Variants in PAPPA observed in about 807,000 individuals in gnomAD.
PAPPA encodes the protein pappalysin 1.
PAPPA carries 60 observed loss-of-function variants against 164.0 expected under a neutral mutation model. The observed-to-expected ratio is 0.37, with a 90% confidence interval of 0.30 to 0.45. The LOEUF is 0.45. Among genes scored for constraint, PAPPA ranks in the 20% least tolerant of loss-of-function variants. The probability of loss-of-function intolerance (pLI) is 1.00; values close to 1 mark genes in which losing one functional copy is unlikely to be tolerated. For missense variants in PAPPA, 1,782 were observed against 2,087.3 expected (o/e 0.85, Z 2.85); for synonymous variants, 875 against 814.1 (o/e 1.07, Z -1.27).
chr9:116,209,213 T>C (rs1844276894), intron 3 of PAPPA, among the ~76,000 whole-genome samples: 1 of 152,212 alleles, frequency 6.6e-6, no homozygotes, highest in Non-Finnish European at 1.5e-5. Flanking sequence ...TTATATCACA[T>C]GCCTAGTATG....
intron 4 of PAPPA, among the ~76,000 whole-genome samples, chr9:116,217,578 C>A (rs1191446288): frequency 1.3e-5 from 2 of 152,092 alleles, no homozygotes; most frequent in African/African-American, 4.8e-5. Flanking sequence ...AAAGAGAATG[C>A]ATATTTTATA....
chr9:116,353,586 C>T (rs754381284), intron 16 of PAPPA, 36 bp from the exon 17 acceptor site: 3 of 1,595,284 alleles, frequency 1.9e-6, no homozygotes, highest in Non-Finnish European at 2.6e-6. Flanking sequence ...GCCATTTGGT[C>T]CTTGAGATGT....
intron 12 of PAPPA, 37 bp downstream of exon 12, chr9:116,332,505 A>G: frequency 6.3e-7 from 1 of 1,575,188 alleles, no homozygotes; most frequent in African/African-American, 1.3e-5. Context: ...TGCTTTCAGT[A>G]CCTGATTCCA....
intron 9 of PAPPA, among the ~76,000 whole-genome samples, chr9:116,293,948 C>T (rs772868117): frequency 1.4e-4 from 21 of 151,534 alleles, no homozygotes; most frequent in Non-Finnish European, 2.6e-4. Context: ...AAAACTCTGT[C>T]TCAAAATAAA....
chr9:116,282,350 G>T (rs1845277882), intron 9 of PAPPA, among the ~76,000 whole-genome samples: 1 of 152,144 alleles, frequency 6.6e-6, no homozygotes, highest in African/African-American at 2.4e-5. Flanking sequence ...ATTTTATTTT[G>T]CATCTCTTGA....
At chr9:116,371,902 T>C (rs1846579957) in intron 19 of PAPPA, among the ~76,000 whole-genome samples, 1 of 152,212 alleles carries the variant, frequency 6.6e-6, no homozygotes, top group African/African-American at 2.4e-5. Flanking sequence ...TTGGTTTTGC[T>C]TATTTGTAAA....
intron 1 of PAPPA, among the ~76,000 whole-genome samples, chr9:116,155,120 C>T (rs1441809463): frequency 2.0e-5 from 3 of 152,180 alleles, no homozygotes. Context: ...TGATTGAAGC[C>T]TGCCTCTGGG....
intron 9 of PAPPA, among the ~76,000 whole-genome samples, chr9:116,277,531 A>G (rs1845214319): frequency 6.6e-6 from 1 of 152,196 alleles, no homozygotes; most frequent in Non-Finnish European, 1.5e-5. Flanking sequence ...AAAATGGGTT[A>G]GTAAGTTCCT....
chr9:116,370,030 C>G (rs569464219), intron 19 of PAPPA, among the ~76,000 whole-genome samples: 1 of 152,302 alleles, frequency 6.6e-6, no homozygotes, highest in Admixed American at 6.5e-5. Context: ...AATAGAGCTG[C>G]TGGTGCCAGC....
At chr9:116,251,579 C>G (rs1376393448) in intron 7 of PAPPA, among the ~76,000 whole-genome samples, 1 of 152,198 alleles carries the variant, frequency 6.6e-6, no homozygotes, top group Non-Finnish European at 1.5e-5. Context: ...GACTCCCTGG[C>G]CCTGACTTGG....
At chr9:116,189,959 C>T (rs1433248695) in intron 2 of PAPPA, among the ~76,000 whole-genome samples, 7 of 152,258 alleles carry the variant, frequency 4.6e-5, no homozygotes, top group Admixed American at 3.9e-4. Context: ...CCTGGACTCT[C>T]ACCTTGGCTC....
intron 19 of PAPPA, among the ~76,000 whole-genome samples, chr9:116,368,632 C>T (rs904110825): frequency 6.6e-6 from 1 of 152,214 alleles, no homozygotes; most frequent in South Asian, 2.1e-4. Flanking sequence ...CCCAGGACAT[C>T]GCAGGTCCCA....
In PAPPA at chr9:116,187,104, C is replaced by A; in HGVS notation, c.416-50C>A. On this transcript the variant is annotated intron_variant, in intron 1 of 21. Transcript: ENST00000328252. This position sits in a 1 kb window ranked among gnomAD's most constrained non-coding sequence, Gnocchi z 4.2. ...TTAGAGAAAAATAACTTAACCCCCCCTCCTTTTCCATCCTTTATTTATTCA... is the reference window on the plus strand; with the variant it reads ...TTAGAGAAAAATAACTTAACCCCCCATCCTTTTCCATCCTTTATTTATTCA... The A allele has an allele frequency of 7.4e-7, 1 of 1,348,044 alleles. No individual in the cohort carries two copies. The highest frequency in any genetic ancestry group is 1.1e-6 in the Non-Finnish European group (1 of 950,968). 83.5% of individuals were successfully genotyped at this position (1,348,044 alleles called of 1,614,324 possible).
In PAPPA at chr9:116,347,038, G is replaced by A. The variant is rs139138259; in HGVS notation, c.3793G>A (p.Val1265Ile). The stretch of plus-strand genomic sequence containing the variant: ...CTCTGCCTTTCAGACGGGACCCAGC[G>A]TCACAGTGACCTGTACAGAGGGCAA... ...ELIKSQTGPS[V>I]TVTCTEGKWN... Residue 1265 changes from valine (V) to isoleucine (I), a missense_variant, in exon 15 of 22, where the codon GTC becomes ATC. This residue lies in a region of PAPPA where 1,324 missense variants were observed against 1,656.9 expected (regional missense o/e 0.80). Coordinates refer to ENST00000328252, the MANE Select transcript of PAPPA (RefSeq NM_002581.5). The surrounding 1 kb of genome is among the most constrained non-coding windows in gnomAD (Gnocchi z 4.5). 6.3e-5 allele frequency: 101 copies of A among 1,612,342 alleles called. No homozygotes were observed. The African/African-American group carries it at 8.3e-4, about 13-fold the overall frequency.
intron 6 of PAPPA, among the ~76,000 whole-genome samples, chr9:116,231,934 T>C (rs1399290867): frequency 6.6e-6 from 1 of 151,714 alleles, no homozygotes. Context: ...GGTAATTTTG[T>C]ATTTTTAATA....
At chr9:116,378,515 A>G (rs1846685262) in intron 20 of PAPPA, among the ~76,000 whole-genome samples, 1 of 152,212 alleles carries the variant, frequency 6.6e-6, no homozygotes, top group Admixed American at 6.5e-5. Context: ...CCCTAGAAAA[A>G]GTCGTATCTG....
intron 21 of PAPPA, among the ~76,000 whole-genome samples, chr9:116,384,721 C>T (rs577755139): frequency 2.6e-4 from 40 of 152,252 alleles, no homozygotes; most frequent in African/African-American, 9.1e-4. Flanking sequence ...GGGATGTAAG[C>T]ATATTTAAGG....
At chr9:116,215,571 A>C (rs1844360296) in intron 4 of PAPPA, among the ~76,000 whole-genome samples, 1 of 152,126 alleles carries the variant, frequency 6.6e-6, no homozygotes, top group South Asian at 2.1e-4. Flanking sequence ...GAGGGGAACA[A>C]CACACACTGG....
intron 7 of PAPPA, among the ~76,000 whole-genome samples, chr9:116,237,202 A>C (rs1242160348): frequency 1.3e-5 from 2 of 152,260 alleles, no homozygotes; most frequent in Non-Finnish European, 2.9e-5. Flanking sequence ...ATTAATGTGC[A>C]CATCACAGGC....
Sources: allele counts gnomAD v4.1 joint callset (sites outside exome capture counted in the v4.1 genomes callset), GRCh38; gene constraint gnomAD v4.1.1; regional missense constraint gnomAD v4.1.1; non-coding constraint Gnocchi (gnomAD v3.1); transcripts MANE v1.5; gene names NCBI Gene and HGNC (gene_info 2026-07-23, HGNC 2026-07-21).